Variants in TAP1 observed in about 807,000 individuals in gnomAD.
TAP1 encodes the protein transporter 1, ATP binding cassette subfamily B member.
In TAP1, 56 loss-of-function variants were observed where a neutral mutation model predicts 79.3. The ratio of observed to expected loss-of-function variants is 0.71; its 90% CI spans 0.57 to 0.88. The LOEUF (loss-of-function observed/expected upper bound fraction) is 0.88. Ranked by LOEUF, TAP1 falls within the 40% of genes least tolerant of loss-of-function variation. The pLI, the probability that TAP1 is intolerant of heterozygous loss-of-function variation, is 0.00. For synonymous variants in TAP1, 355 were observed against 401.4 expected, an observed-to-expected ratio of 0.88 and a Z score of 1.38; for missense variants, 737 against 936.3, an observed-to-expected ratio of 0.79 and a Z score of 2.78.
Position 32,851,198 on chromosome 6 carries a change from T to C in TAP1, c.845-49A>G. On this transcript the variant is annotated intron_variant, in intron 3 of 10. Transcript: ENST00000354258. This position sits in a 1 kb window ranked among gnomAD's most constrained non-coding sequence, Gnocchi z 4.8. The stretch of plus-strand genomic sequence containing the variant: ...TGAGGTGAATCAGACAGGTTCCAAG[T>C]GATGAGACGAACTAACAATGAGCCA... 1 of 1,578,950 alleles carries C rather than the reference T, an allele frequency of 6.3e-7. No individual in the cohort carries two copies. The highest frequency in any genetic ancestry group is 8.7e-7 in the Non-Finnish European group (1 of 1,153,574).
In TAP1 at chr6:32,851,968, G is replaced by A. The variant is rs115452117; in HGVS notation, c.844+141C>T. ...GACAGAGACAGAGAGAGAGAGACAG[G>A]GAGAGGGTATATCAAGAATGAGAAG... On this transcript the variant is annotated intron_variant, in intron 3 of 10. Coordinates refer to ENST00000354258, the MANE Select transcript of TAP1 (RefSeq NM_000593.6). The surrounding 1 kb of genome is among the most constrained non-coding windows in gnomAD (Gnocchi z 4.8). 0.028 allele frequency: 28,794 copies of A among 1,025,666 alleles called. 560 individuals carry two copies. Among genetic ancestry groups the A allele is most frequent in the South Asian group, 0.058 (4,313 of 74,154 alleles). The allele number at this position is 1,025,666 out of a possible 1,614,324, so 63.5% of individuals were successfully genotyped here. A position where few individuals can be genotyped will look rare whatever the true frequency, so the allele number is the denominator to read the frequency against.
rs1447101610 is a variant in TAP1 at position 32,851,922 on chromosome 6, T to TGAGA, written c.844+186_844+187insTCTC. 1.9e-4 allele frequency among the ~76,000 whole-genome samples: 23 copies of TGAGA among 117,960 alleles called. No homozygotes were observed. Among genetic ancestry groups the TGAGA allele is most frequent in the African/African-American group, 6.8e-4 (22 of 32,236 alleles). 77.4% of individuals were successfully genotyped at this position (117,960 alleles called of 152,430 possible). ...AGAAAAACAATTGTGTGTGTGTGTG[T>TGAGA]GTGAGAGAGAGAGAGAGAGAGACAG... On this transcript the variant is annotated intron_variant, in intron 3 of 10. Transcript: ENST00000354258. The surrounding 1 kb of genome is among the most constrained non-coding windows in gnomAD (Gnocchi z 4.8).
chr6:32,851,243 G>C lies in TAP1; in HGVS notation c.845-94C>G. ...GAGCCAGGATGCCAGGGTCAGGGGT[G>C]TCAACATGGGGTTCTAAGGAGGCTG... On this transcript the variant is annotated intron_variant, in intron 3 of 10. Transcript: ENST00000354258. The surrounding 1 kb of genome is among the most constrained non-coding windows in gnomAD (Gnocchi z 4.8). 8.1e-7 allele frequency: 1 copy of C among 1,233,554 alleles called. No homozygotes were observed. Among genetic ancestry groups the C allele is most frequent in the Non-Finnish European group, 1.2e-6 (1 of 857,312 alleles). The allele number at this position is 1,233,554 out of a possible 1,614,324, so 76.4% of individuals were successfully genotyped here.
chr6:32,847,648 C>T lies in TAP1; in HGVS notation c.1768G>A (p.Val590Ile), dbSNP rs896563311. 5.0e-6 allele frequency: 8 copies of T among 1,613,796 alleles called. No homozygotes were observed. The East Asian group carries it at 1.8e-4, about 36-fold the overall frequency. The change falls in exon 9 of 11, where the codon GTA becomes ATA. Residue 590 changes from valine to isoleucine, a missense_variant. Physicochemically the swap from Val to Ile is conservative, Grantham distance 29. Transcript: ENST00000354258. The surrounding 1 kb of genome is among the most constrained non-coding windows in gnomAD (Gnocchi z 4.7). Reference protein sequence around the residue: ...QVAAVGQEPQVFGRSLQENIA... With the variant: ...QVAAVGQEPQIFGRSLQENIA... The stretch of plus-strand genomic sequence containing the variant: ...TTTTCTTGAAGACTTCTTCCAAATA[C>T]CTGTGGCTCTTGTCCCACTGCAGCC...
At position 32,848,910 on chromosome 6, in the gene TAP1, A is replaced by G. The variant is rs546358093; in HGVS notation, c.1378-70T>C. On this transcript the variant is annotated intron_variant, in intron 6 of 10. Coordinates refer to ENST00000354258, the MANE Select transcript of TAP1 (RefSeq NM_000593.6). ...AGCATTATGTGAAGCAAGAAGGGTA[A>G]AGAATGGAAGGACATCACACAGATG... The G allele has an allele frequency of 1.4e-5, 22 of 1,612,812 alleles. No homozygotes were observed. In the South Asian group the frequency reaches 2.2e-4, roughly 16 times the overall value.
At chr6:32,849,516 C>T (rs76545695) in intron 5 of TAP1, 7,079 of 317,214 alleles carry the variant, frequency 0.022, 137 homozygotes, top group East Asian at 0.042. Flanking sequence ...CCGAAGTGGG[C>T]GGATCACAAG....
chr6:32,851,177 G>A lies in TAP1; in HGVS notation c.845-28C>T, dbSNP rs746449307. On this transcript the variant is annotated intron_variant, in intron 3 of 10. Transcript: ENST00000354258. The surrounding 1 kb of genome is among the most constrained non-coding windows in gnomAD (Gnocchi z 4.8). The stretch of plus-strand genomic sequence containing the variant: ...GCAGGGTTGGGGAGAAGAGAGTGAG[G>A]TGAATCAGACAGGTTCCAAGTGATG... 1.7e-5 allele frequency: 27 copies of A among 1,608,054 alleles called. No homozygotes were observed. The highest frequency in any genetic ancestry group is 2.3e-5 in the Non-Finnish European group (27 of 1,176,204).
rs745510060 is a variant in TAP1 at position 32,847,194 on chromosome 6, C to T, written c.1914G>A (p.Glu638=). 1 of 1,612,066 alleles carries T rather than the reference C, an allele frequency of 6.2e-7. No individual in the cohort carries two copies. The highest frequency in any genetic ancestry group is 1.1e-5 in the South Asian group (1 of 91,088). Residue 638 remains glutamate (E), a synonymous_variant, in exon 10 of 11, where the codon GAG becomes GAA. Coordinates refer to ENST00000354258, the MANE Select transcript of TAP1 (RefSeq NM_000593.6). The surrounding 1 kb of genome is among the most constrained non-coding windows in gnomAD (Gnocchi z 4.7). ...GACCCCCTGACAGCTGGCTCCCAGC[C>T]TCGTCTACCTCTGCAGAGCAAAGGG... ...LPQGYDTEVD[E]AGSQLSGGQR...
rs1231147050 is a variant in TAP1 at position 32,852,385 on chromosome 6, G to A, written c.713+3C>T. 8.1e-6 allele frequency: 13 copies of A among 1,613,064 alleles called. No individual in the cohort carries two copies. Among genetic ancestry groups the A allele is most frequent in the Non-Finnish European group, 1.1e-5 (13 of 1,180,016 alleles). On this transcript the variant is annotated splice_donor_region_variant and intron_variant, in intron 2 of 10. Coordinates refer to ENST00000354258, the MANE Select transcript of TAP1 (RefSeq NM_000593.6). The surrounding 1 kb of genome is among the most constrained non-coding windows in gnomAD (Gnocchi z 4.8). The stretch of plus-strand genomic sequence containing the variant: ...CAGGGTGCCCCATTTTCAGCCCCCA[G>A]ACCTGGCTATGGTGAGAATGGACAT...
intron 7 of TAP1, 56 bp from the exon 8 acceptor site, chr6:32,848,148 T>G: frequency 6.5e-7 from 1 of 1,548,370 alleles, no homozygotes; most frequent in Non-Finnish European, 8.7e-7. Flanking sequence ...ACCTTGAGAG[T>G]GTCATTGCCT....
Position 32,851,130 on chromosome 6 carries a change from T to C in TAP1, c.864A>G (p.Val288=). The change falls in exon 4 of 11, where the codon GTA becomes GTG. Residue 288 remains valine, a synonymous_variant. Transcript: ENST00000354258. The surrounding 1 kb of genome is among the most constrained non-coding windows in gnomAD (Gnocchi z 4.8). The part of the protein sequence containing the change: ...QNQTGNIMSR[V]TEDTSTLSDS... ...CACTCAGGGTGGACGTGTCCTCTGT[T>C]ACCCGAGACATGATGTTACCTGCAG... 1 of 1,612,958 alleles carries C rather than the reference T, an allele frequency of 6.2e-7. No individual in the cohort carries two copies. The highest frequency in any genetic ancestry group is 8.5e-7 in the Non-Finnish European group (1 of 1,180,004).
chr6:32,848,601 T>C (rs753970565), intron 7 of TAP1, 51 bp downstream of exon 7: 18 of 1,597,848 alleles, frequency 1.1e-5, no homozygotes, highest in East Asian at 2.2e-5. Context: ...AAATTTAGGA[T>C]GGCAGAATTG....
chr6:32,847,555 C>T lies in TAP1; in HGVS notation c.1861G>A (p.Ala621Thr). 6.2e-7 allele frequency: 1 copy of T among 1,613,958 alleles called. No individual in the cohort carries two copies. Among genetic ancestry groups the T allele is most frequent in the Non-Finnish European group, 8.5e-7 (1 of 1,180,018 alleles). ...GGGAGTCCAGAGATGAAACTATGGG[C>T]CCCAGACTTTACTGCAGCAGCTGTG... ...EITAAAVKSG[A>T]HSFISGLPQG... Residue 621 changes from alanine (A) to threonine (T), a missense_variant, in exon 9 of 11, where the codon GCC becomes ACC. Coordinates refer to ENST00000354258, the MANE Select transcript of TAP1 (RefSeq NM_000593.6). The surrounding 1 kb of genome is among the most constrained non-coding windows in gnomAD (Gnocchi z 4.7).
chr6:32,849,122 TAA>T lies in TAP1; in HGVS notation c.1249-6_1249-5del. On this transcript the variant is annotated splice_polypyrimidine_tract_variant and splice_region_variant and intron_variant, in intron 5 of 10. Coordinates refer to ENST00000354258, the MANE Select transcript of TAP1 (RefSeq NM_000593.6). ...CTTTCAGCAGCATACCTGAAATCTA[TAA>T]AGAGACCACAAAAAAAGGGACTGAG... is the stretch of plus-strand genomic sequence containing the variant. 1.3e-6 allele frequency: 2 copies of T among 1,575,252 alleles called. No individual in the cohort carries two copies. The highest frequency in any genetic ancestry group is 2.3e-5 in the East Asian group (1 of 43,810).
intron 7 of TAP1, 40 bp downstream of exon 7, chr6:32,848,612 C>T: frequency 6.2e-7 from 1 of 1,606,276 alleles, no homozygotes; most frequent in Non-Finnish European, 8.5e-7. Context: ...GGCAGAATTG[C>T]AGTTGGGGCC....
At position 32,850,168 on chromosome 6, in the gene TAP1, G is replaced by A. The variant is rs761339387; in HGVS notation, c.1248+152C>T. The A allele has an allele frequency of 1.0e-5, 8 of 777,028 alleles. No homozygotes were observed. The highest frequency in any genetic ancestry group is 4.4e-6 in the Non-Finnish European group (2 of 451,826). 48.1% of individuals were successfully genotyped at this position (777,028 alleles called of 1,614,324 possible). A position where few individuals can be genotyped will look rare whatever the true frequency, so the allele number is the denominator to read the frequency against. On this transcript the variant is annotated intron_variant, in intron 5 of 10. Transcript: ENST00000354258. The surrounding 1 kb of genome is among the most constrained non-coding windows in gnomAD (Gnocchi z 5.5). ...AGAGAGGGAGGGGGCTAGGGACACT[G>A]AGTAGAGTCATTGAGCCTCAGGTTG...
Position 32,845,622 on chromosome 6 carries a change from C to T in TAP1, c.2204G>A (p.Cys735Tyr). 5 of 1,613,080 alleles carry T rather than the reference C, an allele frequency of 3.1e-6. No individual in the cohort carries two copies. The highest frequency in any genetic ancestry group is 4.2e-6 in the Non-Finnish European group (5 of 1,180,028). Residue 735 changes from cysteine (C) to tyrosine (Y), a missense_variant, in exon 11 of 11, where the codon TGC becomes TAC. This residue lies in a region of TAP1 where 266 missense variants were observed against 332.4 expected (regional missense o/e 0.80). Coordinates refer to ENST00000354258, the MANE Select transcript of TAP1 (RefSeq NM_000593.6). The surrounding 1 kb of genome is among the most constrained non-coding windows in gnomAD (Gnocchi z 4.5). ...THQQLMEKKG[C>Y]YWAMVQAPAD... is the part of the protein sequence containing the mutation. ...AGGAGCCTGCACCATGGCCCAGTAG[C>T]ACCCCTTTTTCTCCATGAGCTGCTG...
At position 32,852,904 on chromosome 6, in the gene TAP1, C is replaced by T; in HGVS notation, c.598+135G>A. On this transcript the variant is annotated intron_variant, in intron 1 of 10. Coordinates refer to ENST00000354258, the MANE Select transcript of TAP1 (RefSeq NM_000593.6). The surrounding 1 kb of genome is among the most constrained non-coding windows in gnomAD (Gnocchi z 4.8). ...GTTTCTTCTACACCGAAGTGGTGTT[C>T]CAAGACCCACGCTAGGAGTCCTTCT... 2.0e-6 allele frequency: 3 copies of T among 1,464,686 alleles called. No individual in the cohort carries two copies. Among genetic ancestry groups the T allele is most frequent in the East Asian group, 5.0e-5 (2 of 40,370 alleles). 90.7% of individuals were successfully genotyped at this position (1,464,686 alleles called of 1,614,324 possible). A position where few individuals can be genotyped will look rare whatever the true frequency, so the allele number is the denominator to read the frequency against.
Position 32,848,773 on chromosome 6 carries a change from A to G in TAP1, c.1445T>C (p.Leu482Pro). ...GGGTGGGCAGCGAGGGGTGCGGTCC[A>G]GGTACTCAAATATTTTCTCTGAGGA... Reference protein sequence around the residue: ...VGSSEKIFEYLDRTPRCPPSG... With the variant: ...VGSSEKIFEYPDRTPRCPPSG... The change falls in exon 7 of 11, where the codon CTG becomes CCG. Residue 482 changes from leucine to proline, a missense_variant. Leu to Pro is a moderately conservative substitution (Grantham distance 98). Transcript: ENST00000354258. 6.2e-7 allele frequency: 1 copy of G among 1,614,124 alleles called. No individual in the cohort carries two copies. Among genetic ancestry groups the G allele is most frequent in the Non-Finnish European group, 8.5e-7 (1 of 1,180,028 alleles).
Sources: allele counts gnomAD v4.1 joint callset (sites outside exome capture counted in the v4.1 genomes callset), GRCh38; gene constraint gnomAD v4.1.1; regional missense constraint gnomAD v4.1.1; non-coding constraint Gnocchi (gnomAD v3.1); transcripts MANE v1.5; gene names NCBI Gene and HGNC (gene_info 2026-07-23, HGNC 2026-07-21).